PACS2: variants seen among roughly 807,000 people sequenced by gnomAD.
PACS2 encodes phosphofurin acidic cluster sorting protein 2.
PACS2 carries 36 observed loss-of-function variants against 113.0 expected under a neutral mutation model. That is an observed-to-expected ratio of 0.32 (90% CI 0.24 to 0.42). The LOEUF (loss-of-function observed/expected upper bound fraction) is 0.42. Ranked by LOEUF, PACS2 falls within the 10% of genes least tolerant of loss-of-function variation. The probability of loss-of-function intolerance (pLI) is 1.00; values close to 1 mark genes in which losing one functional copy is unlikely to be tolerated. For missense variants in PACS2, 1,015 were observed against 1,239.5 expected (o/e 0.82, Z 2.72); for synonymous variants, 589 against 536.1 (o/e 1.10, Z -1.36).
rs1268345614 is a variant in PACS2 at position 105,376,550 on chromosome 14, G to A, written c.802-218G>A. ...ATGACTGCACCAGCCCAGGGGAGGT[G>A]GAGGAATGCCACACGCACCGGTACC... On this transcript the variant is annotated intron_variant, in intron 8 of 24. Coordinates refer to ENST00000447393, the MANE Select transcript of PACS2 (RefSeq NM_001100913.3). This position sits in a 1 kb window ranked among gnomAD's most constrained non-coding sequence, Gnocchi z 4.7. Among the ~76,000 whole-genome samples, 2 of 152,164 alleles carry A rather than the reference G, an allele frequency of 1.3e-5. No homozygotes were observed. The highest frequency in any genetic ancestry group is 4.8e-5 in the African/African-American group (2 of 41,442).
At chr14:105,342,535 C>T (rs1383715314) in intron 1 of PACS2, among the ~76,000 whole-genome samples, 3 of 151,984 alleles carry the variant, frequency 2.0e-5, no homozygotes, top group Non-Finnish European at 4.4e-5. Context: ...TCCCACAGTG[C>T]TGGGATTACA....
chr14:105,304,443 G>A (rs1010568040), intron 1 of PACS2, among the ~76,000 whole-genome samples: 1 of 152,096 alleles, frequency 6.6e-6, no homozygotes, highest in Admixed American at 6.6e-5. Context: ...AGGCGAGATG[G>A]CGTCATTGCA....
upstream of PACS2, among the ~76,000 whole-genome samples, chr14:105,309,737 T>TAGATTAG (rs1491146474): frequency 6.6e-5 from 10 of 151,378 alleles, no homozygotes; most frequent in Non-Finnish European, 2.9e-5. This position sits in a 1 kb window ranked among gnomAD's most constrained non-coding sequence, Gnocchi z 4.0. Context: ...GTATTAGGTC[T>TAGATTAG]AGATTAGCCT....
intron 1 of PACS2, among the ~76,000 whole-genome samples, chr14:105,322,034 T>C (rs1323753540): frequency 6.7e-6 from 1 of 148,158 alleles, no homozygotes; most frequent in Non-Finnish European, 1.5e-5. Context: ...TCCTCCCGGG[T>C]TCAAGCGATT....
In PACS2 at chr14:105,340,185, C is replaced by T. The variant is rs1409271853; in HGVS notation, c.120-8308C>T. 6.6e-6 allele frequency among the ~76,000 whole-genome samples: 1 copy of T among 152,220 alleles called. No homozygotes were observed. The highest frequency in any genetic ancestry group is 1.5e-5 in the Non-Finnish European group (1 of 68,042). ...AACATTGACTAATGGAATGTACCAGCAGAAACACATGCGATCGTAATGTGC... is the reference window on the plus strand; with the variant it reads ...AACATTGACTAATGGAATGTACCAGTAGAAACACATGCGATCGTAATGTGC... On this transcript the variant is annotated intron_variant, in intron 1 of 24. Coordinates refer to ENST00000447393, the MANE Select transcript of PACS2 (RefSeq NM_001100913.3). This position sits in a 1 kb window ranked among gnomAD's most constrained non-coding sequence, Gnocchi z 4.2.
chr14:105,394,786 G>T lies in PACS2; in HGVS notation c.*114G>T, dbSNP rs947361836. ...GACGCTTAAAACACAAAGAGAAACAGTCTTAAGTATGAATGTGCTCACAAC... is the reference window on the plus strand; with the variant it reads ...GACGCTTAAAACACAAAGAGAAACATTCTTAAGTATGAATGTGCTCACAAC... On this transcript the variant is annotated 3_prime_UTR_variant, in exon 25 of 25. Transcript: ENST00000447393. 5 of 760,244 alleles carry T rather than the reference G, an allele frequency of 6.6e-6. No homozygotes were observed. The Admixed American group carries it at 9.4e-5, about 14-fold the overall frequency. The allele number at this position is 760,244 out of a possible 1,614,324, so 47.1% of individuals were successfully genotyped here.
intron 5 of PACS2, 127 bp from the exon 6 acceptor site, chr14:105,367,947 T>C: frequency 2.8e-6 from 2 of 704,068 alleles, no homozygotes; most frequent in South Asian, 3.0e-5. Flanking sequence ...CTGGAGCCCC[T>C]CTGTCCTGCA....
intron 2 of PACS2, among the ~76,000 whole-genome samples, chr14:105,351,328 G>A (rs1232790185): frequency 6.6e-6 from 1 of 152,220 alleles, no homozygotes; most frequent in Admixed American, 6.5e-5. Context: ...TCACGCAAAT[G>A]ACTCGTTATC....
At chr14:105,362,435 AG>A (rs2060758798) in intron 4 of PACS2, among the ~76,000 whole-genome samples, 1 of 151,418 alleles carries the variant, frequency 6.6e-6, no homozygotes, top group African/African-American at 2.4e-5. Context: ...AAAAAAGAAA[AG>A]AAAAAAAAAG....
chr14:105,325,172 G>A (rs372780691), intron 1 of PACS2, among the ~76,000 whole-genome samples: 7 of 151,696 alleles, frequency 4.6e-5, no homozygotes, highest in Non-Finnish European at 8.8e-5. Flanking sequence ...GGTGGGACGG[G>A]GGGGGGCTCG....
intron 1 of PACS2, among the ~76,000 whole-genome samples, chr14:105,338,276 G>A (rs1203991230): frequency 2.6e-5 from 4 of 152,194 alleles, no homozygotes; most frequent in African/African-American, 9.7e-5. Context: ...TGCAGGGCAC[G>A]CACGTGGGGC....
chr14:105,392,607 T>A lies in PACS2; in HGVS notation c.2256-12T>A. ...AGATGCAGGTGTGAATGCCTCCCTC[T>A]GCCTTTCCCAGCCAGGGTGTCGGCG... is the stretch of plus-strand genomic sequence containing the variant. On this transcript the variant is annotated splice_polypyrimidine_tract_variant and intron_variant, in intron 22 of 24. Coordinates refer to ENST00000447393, the MANE Select transcript of PACS2 (RefSeq NM_001100913.3). The A allele has an allele frequency of 6.3e-7, 1 of 1,592,412 alleles. No individual in the cohort carries two copies. Among genetic ancestry groups the A allele is most frequent in the Admixed American group, 1.8e-5 (1 of 56,912 alleles).
chr14:105,345,466 T>C (rs1341092849), intron 1 of PACS2, among the ~76,000 whole-genome samples: 2 of 152,224 alleles, frequency 1.3e-5, no homozygotes, highest in African/African-American at 4.8e-5. Flanking sequence ...TTTTCTGACA[T>C]AAGCACTTAA....
At chr14:105,320,437 A>AC in intron 1 of PACS2, among the ~76,000 whole-genome samples, 2 of 151,952 alleles carry the variant, frequency 1.3e-5, no homozygotes, top group African/African-American at 4.8e-5. Context: ...TGGTGTGACC[A>AC]TGGCTCAAGC....
rs2141051166 is a variant in PACS2 at position 105,355,017 on chromosome 14, G to A, written c.298-35G>A. ...CCGTGATGCTGCCTGGGGCCCCGGT[G>A]CACCCTCAGCTGCCACTCGCACTTG... On this transcript the variant is annotated intron_variant, in intron 3 of 24. Coordinates refer to ENST00000447393, the MANE Select transcript of PACS2 (RefSeq NM_001100913.3). The surrounding 1 kb of genome is among the most constrained non-coding windows in gnomAD (Gnocchi z 4.1). 3.1e-6 allele frequency: 5 copies of A among 1,605,666 alleles called. No individual in the cohort carries two copies. The highest frequency in any genetic ancestry group is 1.7e-4 in the Middle Eastern group (1 of 6,042).
At chr14:105,367,451 A>G (rs1566946181) in intron 5 of PACS2, 76 bp downstream of exon 5, 1 of 1,448,864 alleles carries the variant, frequency 6.9e-7, no homozygotes, top group Non-Finnish European at 9.7e-7. Context: ...ATCGGGTGGC[A>G]GAAACTGTCC....
intron 4 of PACS2, among the ~76,000 whole-genome samples, chr14:105,363,724 A>T (rs1455356948): frequency 6.6e-6 from 1 of 152,052 alleles, no homozygotes; most frequent in Non-Finnish European, 1.5e-5. Context: ...TTCTCTTTGC[A>T]TTCACTGCTT....
chr14:105,351,207 A>G (rs587744732), intron 2 of PACS2, among the ~76,000 whole-genome samples: 1 of 152,354 alleles, frequency 6.6e-6, no homozygotes, highest in African/African-American at 2.4e-5. Context: ...CGAGGTCCCC[A>G]AGCTCATCCT....
chr14:105,380,489 A>C (rs782248127), intron 11 of PACS2, among the ~76,000 whole-genome samples: 1 of 128,094 alleles, frequency 7.8e-6, no homozygotes, highest in South Asian at 2.8e-4. Flanking sequence ...GGGTCAGGGC[A>C]GCTGGACTCA....
Sources: allele counts gnomAD v4.1 joint callset (sites outside exome capture counted in the v4.1 genomes callset), GRCh38; gene constraint gnomAD v4.1.1; non-coding constraint Gnocchi (gnomAD v3.1); transcripts MANE v1.5; gene names NCBI Gene and HGNC (gene_info 2026-07-23, HGNC 2026-07-21).